MAEA: variants seen among roughly 807,000 people sequenced by gnomAD.
MAEA encodes the protein macrophage erythroblast attacher, E3 ubiquitin ligase.
In MAEA, 22 loss-of-function variants were observed where a neutral mutation model predicts 46.2. That is an observed-to-expected ratio of 0.48 (90% CI 0.34 to 0.68). MAEA has a LOEUF of 0.68. Ranked by LOEUF, MAEA falls within the 30% of genes least tolerant of loss-of-function variation. The probability of loss-of-function intolerance (pLI) is 0.01; values close to 1 mark genes in which losing one functional copy is unlikely to be tolerated. For missense variants in MAEA, 393 were observed against 558.1 expected, an observed-to-expected ratio of 0.70 and a Z score of 2.98; for synonymous variants, 246 against 222.6, an observed-to-expected ratio of 1.11 and a Z score of -0.94.
chr4:1,321,097 C>G (rs1413999810), intron 3 of MAEA, among the ~76,000 whole-genome samples: 2 of 151,916 alleles, frequency 1.3e-5, no homozygotes, highest in Admixed American at 1.3e-4. Flanking sequence ...GAGACTCCGT[C>G]TCAAAAAAAC....
chr4:1,322,513 C>G lies in MAEA; in HGVS notation c.579+10C>G, dbSNP rs370594323. On this transcript the variant is annotated intron_variant, in intron 4 of 8. Transcript: ENST00000303400. ...GCTCCGGAAGATGAAGGTGCACGGA[C>G]TCCCAGGTTGGGGTGGGAGTGGGTC... The G allele has an allele frequency of 1.2e-6, 2 of 1,612,972 alleles. No individual in the cohort carries two copies. The highest frequency in any genetic ancestry group is 2.7e-5 in the African/African-American group (2 of 74,934).
Position 1,332,327 on chromosome 4 carries a change from G to A in MAEA, c.657-430G>A, listed in dbSNP as rs923851636. ...CAGCCTCTGGTGAGCCGCACCTCCCGCCATCCCAGCCCCACCCAGCAGGTC... is the reference window on the plus strand; with the variant it reads ...CAGCCTCTGGTGAGCCGCACCTCCCACCATCCCAGCCCCACCCAGCAGGTC... On this transcript the variant is annotated intron_variant, in intron 5 of 8. Coordinates refer to ENST00000303400, the MANE Select transcript of MAEA (RefSeq NM_001017405.3). 17 of 158,334 alleles carry A rather than the reference G, an allele frequency of 1.1e-4. No homozygotes were observed. In the South Asian group the frequency reaches 2.3e-3, roughly 22 times the overall value. 9.8% of individuals were successfully genotyped at this position (158,334 alleles called of 1,614,324 possible).
intron 1 of MAEA, among the ~76,000 whole-genome samples, chr4:1,298,611 C>T (rs529522583): frequency 6.6e-6 from 1 of 152,292 alleles, no homozygotes; most frequent in South Asian, 2.1e-4. Flanking sequence ...CTGCCCATCT[C>T]GACCTCTCAC....
intron 3 of MAEA, among the ~76,000 whole-genome samples, chr4:1,321,321 A>G (rs1269805317): frequency 6.6e-6 from 1 of 152,234 alleles, no homozygotes; most frequent in Non-Finnish European, 1.5e-5. Flanking sequence ...ATCAAAGCAA[A>G]CATGCAAGAA....
In MAEA at chr4:1,339,984, T is replaced by G. The variant is rs937531065; in HGVS notation, c.*815T>G. ...AAATTAATCGTTCAGTTGAAAGAAGTACTGATGACTTTTCAAAACAAATGA... is the reference window on the plus strand; with the variant it reads ...AAATTAATCGTTCAGTTGAAAGAAGGACTGATGACTTTTCAAAACAAATGA... On this transcript the variant is annotated 3_prime_UTR_variant, in exon 9 of 9. Coordinates refer to ENST00000303400, the MANE Select transcript of MAEA (RefSeq NM_001017405.3). The G allele has an allele frequency of 6.5e-6, 1 of 152,786 alleles. No individual in the cohort carries two copies. Among genetic ancestry groups the G allele is most frequent in the African/African-American group, 2.4e-5 (1 of 41,588 alleles). 9.5% of individuals were successfully genotyped at this position (152,786 alleles called of 1,614,324 possible).
At chr4:1,301,801 T>C (rs555636791) in intron 1 of MAEA, among the ~76,000 whole-genome samples, 2 of 152,348 alleles carry the variant, frequency 1.3e-5, no homozygotes, top group South Asian at 2.1e-4. Context: ...TTGAATCATA[T>C]ACAGTTGTTA....
chr4:1,328,638 C>T, intron 5 of MAEA: 1 of 1,267,880 alleles, frequency 7.9e-7, no homozygotes, highest in Non-Finnish European at 1.0e-6. Flanking sequence ...CTGCAGTGGG[C>T]CGGGTGGCCG....
At chr4:1,337,313 C>T (rs1020742631) in intron 7 of MAEA, 2 of 297,482 alleles carry the variant, frequency 6.7e-6, no homozygotes, top group South Asian at 6.0e-5. Flanking sequence ...GAATAGTTTT[C>T]CCGTGTGATT....
chr4:1,321,674 G>C (rs1373245965), intron 3 of MAEA, among the ~76,000 whole-genome samples: 1 of 152,150 alleles, frequency 6.6e-6, no homozygotes, highest in African/African-American at 2.4e-5. Context: ...CACTGGGGAA[G>C]GTCGGGAGTC....
chr4:1,295,005 T>C (rs1734497242), intron 1 of MAEA, among the ~76,000 whole-genome samples: 1 of 152,012 alleles, frequency 6.6e-6, no homozygotes, highest in Non-Finnish European at 1.5e-5. Flanking sequence ...GTCCCAGAGC[T>C]GTGCAGGGAG....
At chr4:1,337,204 AGT>A in intron 7 of MAEA, 1 of 586,634 alleles carries the variant, frequency 1.7e-6, no homozygotes, top group Non-Finnish European at 3.0e-6. Context: ...CACTCTGGGA[AGT>A]GGCGCGCTTC....
chr4:1,298,228 C>G, intron 1 of MAEA: 1 of 378,382 alleles, frequency 2.6e-6, no homozygotes, highest in Non-Finnish European at 5.4e-6. Context: ...CTCACTGTTT[C>G]CTTTCTTTTA....
intron 5 of MAEA, chr4:1,331,228 C>G (rs937146804): frequency 6.7e-6 from 1 of 150,312 alleles, no homozygotes; most frequent in Non-Finnish European, 1.5e-5. Context: ...CCAGCCCCTG[C>G]ACACGCACCC....
At chr4:1,294,690 G>A (rs572607641) in intron 1 of MAEA, among the ~76,000 whole-genome samples, 8 of 151,894 alleles carry the variant, frequency 5.3e-5, no homozygotes, top group Admixed American at 5.2e-4. Flanking sequence ...TGAGGCCCCT[G>A]TCTACGCTCC....
intron 2 of MAEA, among the ~76,000 whole-genome samples, chr4:1,313,033 C>G (rs191475562): frequency 6.6e-6 from 1 of 152,208 alleles, no homozygotes; most frequent in East Asian, 1.9e-4. Flanking sequence ...AAAGTGGGGC[C>G]CAGTGGAGAG....
At chr4:1,306,582 C>T (rs1463234912) in intron 1 of MAEA, among the ~76,000 whole-genome samples, 1 of 152,200 alleles carries the variant, frequency 6.6e-6, no homozygotes, top group African/African-American at 2.4e-5. Context: ...CAGGAGTTGG[C>T]TGTATTCCAG....
intron 1 of MAEA, among the ~76,000 whole-genome samples, chr4:1,304,641 G>A (rs1042729725): frequency 2.0e-5 from 3 of 151,918 alleles, no homozygotes; most frequent in Non-Finnish European, 2.9e-5. Context: ...CGGGGGCATC[G>A]TGTTGGCCAG....
intron 3 of MAEA, 23 bp from the exon 4 acceptor site, chr4:1,322,358 A>G: frequency 6.2e-7 from 1 of 1,612,748 alleles, no homozygotes; most frequent in East Asian, 2.2e-5. Flanking sequence ...CATTCTGATC[A>G]GGTGCTGCTT....
chr4:1,325,968 G>A (rs916662289), intron 4 of MAEA, among the ~76,000 whole-genome samples: 2 of 152,200 alleles, frequency 1.3e-5, no homozygotes, highest in African/African-American at 4.8e-5. Context: ...GGGACACAGG[G>A]TGATGAGGGG....
Sources: allele counts gnomAD v4.1 joint callset (sites outside exome capture counted in the v4.1 genomes callset), GRCh38; gene constraint gnomAD v4.1.1; transcripts MANE v1.5; gene names NCBI Gene and HGNC (gene_info 2026-07-23, HGNC 2026-07-21).